SREBF2: variants seen among roughly 807,000 people sequenced by gnomAD.
The protein encoded by SREBF2 is sterol regulatory element-binding protein 2.
In SREBF2, 55 loss-of-function variants were observed where a neutral mutation model predicts 113.1. The observed-to-expected ratio is 0.49, with a 90% CI of 0.39 to 0.61. The LOEUF is 0.61. Among genes scored for constraint, SREBF2 ranks in the 20% least tolerant of loss-of-function variants. SREBF2 has a pLI of 0.00. For missense variants in SREBF2, 1,349 were observed against 1,487.4 expected (o/e 0.91, Z 1.53); for synonymous variants, 593 against 605.7 (o/e 0.98, Z 0.31).
chr22:41,881,166 T>C (rs2077242154), intron 10 of SREBF2, among the ~76,000 whole-genome samples, 174 bp downstream of exon 10: 1 of 152,264 alleles, frequency 6.6e-6, no homozygotes, highest in Non-Finnish European at 1.5e-5. Flanking sequence ...GGCTCTTTGC[T>C]TTAGCTCATC....
chr22:41,859,398 T>C (rs2077005051), intron 1 of SREBF2, among the ~76,000 whole-genome samples: 1 of 152,164 alleles, frequency 6.6e-6, no homozygotes. Context: ...AGCTGGTAGA[T>C]GTTTAAGGTG....
Position 41,898,670 on chromosome 22 carries a change from G to T in SREBF2, c.2627G>T (p.Trp876Leu). 1 of 1,614,106 alleles carries T rather than the reference G, an allele frequency of 6.2e-7. No individual in the cohort carries two copies. The highest frequency in any genetic ancestry group is 8.5e-7 in the Non-Finnish European group (1 of 1,180,014). ...CTAGGTCCAGACATCATCTGTCGGT[G>T]GTGGACGTCTGCAATCACTGTGGCC... Reference protein sequence around the residue: ...SALGPDIICRWWTSAITVAIS... With the variant: ...SALGPDIICRLWTSAITVAIS... The change falls in exon 15 of 19, where the codon TGG (tryptophan) becomes TTG (leucine). Residue 876 changes from tryptophan to leucine, a missense_variant. Physicochemically the swap from Trp to Leu is moderately conservative, Grantham distance 61. This residue lies in a region of SREBF2 where 650 missense variants were observed against 644.1 expected (regional missense o/e 1.01). Coordinates refer to ENST00000361204, the MANE Select transcript of SREBF2 (RefSeq NM_004599.4).
intron 1 of SREBF2, among the ~76,000 whole-genome samples, chr22:41,852,993 A>G (rs1469086255): frequency 6.6e-6 from 1 of 151,796 alleles, no homozygotes; most frequent in Non-Finnish European, 1.5e-5. Context: ...CAAGTGATCC[A>G]CCCGCCTTGG....
At chr22:41,899,615 T>C (rs2077447270) in intron 15 of SREBF2, 3 of 981,246 alleles carry the variant, frequency 3.1e-6, no homozygotes, top group Non-Finnish European at 3.6e-6. Context: ...CCTAATTTCA[T>C]TGAAGTAGCC....
intron 15 of SREBF2, chr22:41,899,694 C>G: frequency 1.7e-6 from 1 of 582,394 alleles, no homozygotes; most frequent in South Asian, 6.9e-5. Flanking sequence ...TGTGTGTCTC[C>G]CCCAGTCGAT....
intron 2 of SREBF2, 80 bp from the exon 3 acceptor site, chr22:41,868,531 C>A (rs944441253): frequency 6.7e-7 from 1 of 1,489,304 alleles, no homozygotes; most frequent in African/African-American, 1.4e-5. Context: ...ATGAGATACT[C>A]CATCCTCAGG....
intron 3 of SREBF2, 134 bp downstream of exon 3, chr22:41,868,926 C>T: frequency 1.7e-6 from 2 of 1,143,420 alleles, no homozygotes; most frequent in South Asian, 1.4e-5. Context: ...CCAGGATGCA[C>T]CTGTGAGCAG....
intron 6 of SREBF2, 27 bp downstream of exon 6, chr22:41,875,478 A>G: frequency 6.2e-7 from 1 of 1,614,254 alleles, no homozygotes; most frequent in Non-Finnish European, 8.5e-7. Flanking sequence ...AAGGCTTGTC[A>G]GCCCTGGCCC....
chr22:41,880,658 T>G (rs1034261101), intron 9 of SREBF2, 58 bp from the exon 10 acceptor site: 1 of 1,611,588 alleles, frequency 6.2e-7, no homozygotes, highest in Non-Finnish European at 8.5e-7. Context: ...GAAGTCTATA[T>G]CAAAACAAAA....
At position 41,871,999 on chromosome 22, in the gene SREBF2, C is replaced by T. The variant is rs2077148464; in HGVS notation, c.867+964C>T. Among the ~76,000 whole-genome samples, 3 of 150,484 alleles carry T rather than the reference C, an allele frequency of 2.0e-5. No individual in the cohort carries two copies. The South Asian group carries it at 6.3e-4, about 32-fold the overall frequency. ...GGCGCAGTGGCTCACACCTGTAATCCCAGCACTTTGGGAGGCCGAGGTGGG... is the reference window on the plus strand; with the variant it reads ...GGCGCAGTGGCTCACACCTGTAATCTCAGCACTTTGGGAGGCCGAGGTGGG... On this transcript the variant is annotated intron_variant, in intron 4 of 18. Transcript: ENST00000361204.
chr22:41,851,848 C>T (rs1453618140), intron 1 of SREBF2, among the ~76,000 whole-genome samples: 18 of 151,208 alleles, frequency 1.2e-4, no homozygotes, highest in Non-Finnish European at 1.8e-4. Flanking sequence ...CGGCCGGGCG[C>T]GGTGGCTCAC....
At chr22:41,892,168 T>C (rs925632085) in intron 11 of SREBF2, among the ~76,000 whole-genome samples, 3 of 152,202 alleles carry the variant, frequency 2.0e-5, no homozygotes, top group Non-Finnish European at 4.4e-5. Context: ...TGCACACAGA[T>C]ACTTGCCTGT....
intron 1 of SREBF2, among the ~76,000 whole-genome samples, chr22:41,838,836 G>C (rs1042896948): frequency 6.6e-6 from 1 of 152,190 alleles, no homozygotes; most frequent in East Asian, 1.9e-4. Context: ...CAGGTGTGAG[G>C]TGATGAAGGG....
rs1327910660 is a variant in SREBF2 at position 41,878,763 on chromosome 22, G to T, written c.1761+640G>T. 7 of 1,302,778 alleles carry T rather than the reference G, an allele frequency of 5.4e-6. 1 individual carries two copies. In the South Asian group the frequency reaches 8.6e-5, roughly 16 times the overall value. The allele number at this position is 1,302,778 out of a possible 1,614,324, so 80.7% of individuals were successfully genotyped here. A position where few individuals can be genotyped will look rare whatever the true frequency, so the allele number is the denominator to read the frequency against. On this transcript the variant is annotated intron_variant, in intron 9 of 18. Coordinates refer to ENST00000361204, the MANE Select transcript of SREBF2 (RefSeq NM_004599.4). ...CCAGAACACTCCTCAGCAGCAGTGA[G>T]CCATGGGCCTGCCCTCCCCACCTCT... is the stretch of plus-strand genomic sequence containing the variant.
chr22:41,881,105 C>T, intron 10 of SREBF2, 113 bp downstream of exon 10: 1 of 1,394,158 alleles, frequency 7.2e-7, no homozygotes, highest in Non-Finnish European at 9.7e-7. Flanking sequence ...TAACGCTACT[C>T]TTTTAGAGTG....
chr22:41,856,892 C>T (rs911935811), intron 1 of SREBF2, among the ~76,000 whole-genome samples: 6 of 151,968 alleles, frequency 3.9e-5, no homozygotes, highest in African/African-American at 7.2e-5. Flanking sequence ...CTGGCCAACA[C>T]GAAGTCTCTA....
chr22:41,844,450 C>T (rs2076859300), intron 1 of SREBF2, among the ~76,000 whole-genome samples: 1 of 152,052 alleles, frequency 6.6e-6, no homozygotes, highest in South Asian at 2.1e-4. Flanking sequence ...GTGCAAGTGA[C>T]CACAAAATTA....
At chr22:41,839,956 C>CTTTTTT (rs10588397) in intron 1 of SREBF2, among the ~76,000 whole-genome samples, 12 of 117,566 alleles carry the variant, frequency 1.0e-4, no homozygotes, top group Non-Finnish European at 1.4e-4. Context: ...TGCTTAGTTT[C>CTTTTTT]TTTTTTTTTT....
At chr22:41,863,612 G>A (rs1282897662) in intron 1 of SREBF2, among the ~76,000 whole-genome samples, 1 of 152,182 alleles carries the variant, frequency 6.6e-6, no homozygotes, top group East Asian at 1.9e-4. Context: ...ATTGGAATTG[G>A]TTAGTACAAG....
Sources: allele counts gnomAD v4.1 joint callset (sites outside exome capture counted in the v4.1 genomes callset), GRCh38; gene constraint gnomAD v4.1.1; regional missense constraint gnomAD v4.1.1; transcripts MANE v1.5; gene names NCBI Gene and HGNC (gene_info 2026-07-23, HGNC 2026-07-21).